Variants in SLX9 observed in about 807,000 individuals in gnomAD.
SLX9 encodes the protein ribosome biogenesis protein SLX9 homolog.
A neutral mutation model predicts 20.8 loss-of-function variants in SLX9; 19 were observed. That is an observed-to-expected ratio of 0.91 (90% CI 0.64 to 1.34). SLX9 has a LOEUF of 1.34. Among genes scored for constraint, SLX9 ranks in the 40% most tolerant of loss-of-function variants. The probability of loss-of-function intolerance (pLI) is 0.00; values close to 1 mark genes in which losing one functional copy is unlikely to be tolerated. For synonymous variants in SLX9, 113 were observed against 137.1 expected (o/e 0.82, Z 1.23); for missense variants, 299 against 322.2 (o/e 0.93, Z 0.55).
At chr21:44,946,943 C>G (rs762825424) in intron 2 of SLX9, among the ~76,000 whole-genome samples, 9 of 152,188 alleles carry the variant, frequency 5.9e-5, no homozygotes, top group African/African-American at 1.2e-4. Flanking sequence ...TGGGTGGGAC[C>G]TGCAGACCCT....
intron 2 of SLX9, among the ~76,000 whole-genome samples, chr21:44,953,071 C>A (rs1404326935): frequency 6.6e-6 from 1 of 152,170 alleles, no homozygotes; most frequent in Non-Finnish European, 1.5e-5. Flanking sequence ...GGCAGCCTCC[C>A]CCTTGGCATC....
chr21:44,939,732 T>A, upstream of SLX9: 1 of 507,554 alleles, frequency 2.0e-6, no homozygotes, highest in Non-Finnish European at 3.8e-6. Flanking sequence ...AAAGGCCATC[T>A]CGACTGCCGC....
intron 3 of SLX9, among the ~76,000 whole-genome samples, chr21:44,965,878 T>C (rs2085024765): frequency 6.6e-6 from 1 of 152,044 alleles, no homozygotes; most frequent in Admixed American, 6.5e-5. Flanking sequence ...CAGGGTGCCC[T>C]GGCTCTCTTT....
At chr21:44,948,597 G>A (rs1460319172) in intron 2 of SLX9, among the ~76,000 whole-genome samples, 2 of 152,208 alleles carry the variant, frequency 1.3e-5, no homozygotes, top group Admixed American at 6.5e-5. Context: ...GGGGCTGGGG[G>A]CCCCTGGAGC....
intron 3 of SLX9, among the ~76,000 whole-genome samples, chr21:44,961,266 A>C (rs1354790836): frequency 4.0e-5 from 6 of 151,832 alleles, no homozygotes; most frequent in South Asian, 2.1e-4. Flanking sequence ...AACTTGAGTC[A>C]ATTTTGGCCA....
chr21:44,952,340 C>T (rs1055955620), intron 2 of SLX9, among the ~76,000 whole-genome samples: 1 of 152,278 alleles, frequency 6.6e-6, no homozygotes, highest in African/African-American at 2.4e-5. Context: ...CTTCCCTGGC[C>T]ACTCAGGGAG....
intron 2 of SLX9, among the ~76,000 whole-genome samples, chr21:44,958,815 A>G (rs776050467): frequency 3.3e-5 from 5 of 152,092 alleles, no homozygotes; most frequent in East Asian, 1.9e-4. Flanking sequence ...TGCCATGGCA[A>G]TGGGGCTGGG....
At chr21:44,951,464 C>T (rs111988241) in intron 2 of SLX9, among the ~76,000 whole-genome samples, 106 of 152,218 alleles carry the variant, frequency 7.0e-4, no homozygotes, top group African/African-American at 2.2e-3. Flanking sequence ...CCTCAGCGCA[C>T]GGGGCGAACG....
intron 2 of SLX9, among the ~76,000 whole-genome samples, chr21:44,950,123 T>TGGAAAATGGC (rs1192309552): frequency 6.6e-6 from 1 of 151,032 alleles, no homozygotes. Context: ...TTAAGATAAC[T>TGGAAAATGGC]GGAAAATGGC....
At chr21:44,963,587 T>C (rs552425124) in intron 3 of SLX9, among the ~76,000 whole-genome samples, 2 of 152,278 alleles carry the variant, frequency 1.3e-5, no homozygotes, top group South Asian at 4.1e-4. Flanking sequence ...ATTGTTTGTC[T>C]ATGTGGTGTT....
intron 2 of SLX9, among the ~76,000 whole-genome samples, chr21:44,952,280 C>T (rs913610631): frequency 2.0e-5 from 3 of 152,258 alleles, no homozygotes; most frequent in East Asian, 1.9e-4. Flanking sequence ...TGCTCGCCCC[C>T]GGGAAGCTCA....
chr21:44,949,246 C>T (rs2084706834), intron 2 of SLX9, among the ~76,000 whole-genome samples: 1 of 152,204 alleles, frequency 6.6e-6, no homozygotes, highest in Non-Finnish European at 1.5e-5. Flanking sequence ...CCCTGGCTCC[C>T]CCTCGCACGG....
intron 4 of SLX9, among the ~76,000 whole-genome samples, chr21:44,972,564 C>T (rs575232927): frequency 6.6e-5 from 10 of 152,326 alleles, no homozygotes; most frequent in East Asian, 3.9e-4. Context: ...TGGCACCCCC[C>T]GCAGGTGCAG....
chr21:44,976,573 G>A, intron 5 of SLX9, 107 bp from the exon 6 acceptor site: 4 of 1,477,864 alleles, frequency 2.7e-6, no homozygotes, highest in Admixed American at 2.2e-5. Flanking sequence ...GTCCCGTGGT[G>A]GCCCCAGGCC....
At chr21:44,952,730 C>T (rs570190797) in intron 2 of SLX9, among the ~76,000 whole-genome samples, 2 of 152,254 alleles carry the variant, frequency 1.3e-5, no homozygotes, top group South Asian at 4.1e-4. Flanking sequence ...GCTCCGGGCG[C>T]CCCCCTGCCT....
At chr21:44,953,299 G>A (rs775381399) in intron 2 of SLX9, among the ~76,000 whole-genome samples, 4 of 152,326 alleles carry the variant, frequency 2.6e-5, no homozygotes, top group Non-Finnish European at 4.4e-5. Flanking sequence ...TGTCTGAGGT[G>A]TAGGCAGGTC....
At chr21:44,957,659 C>T (rs1303964718) in intron 2 of SLX9, among the ~76,000 whole-genome samples, 2 of 152,200 alleles carry the variant, frequency 1.3e-5, no homozygotes, top group African/African-American at 2.4e-5. Flanking sequence ...AGGGTTCCAC[C>T]GAGTGTGAGG....
intron 5 of SLX9, among the ~76,000 whole-genome samples, chr21:44,975,354 C>T (rs1200512138): frequency 6.6e-6 from 1 of 152,242 alleles, no homozygotes; most frequent in Non-Finnish European, 1.5e-5. Context: ...GAGGCCCCGT[C>T]TATGGGTCTC....
intron 2 of SLX9, among the ~76,000 whole-genome samples, chr21:44,954,642 A>G (rs1040983972): frequency 1.1e-4 from 17 of 152,098 alleles, no homozygotes; most frequent in African/African-American, 4.1e-4. Flanking sequence ...TCAGCACAGT[A>G]GCGTCACCTT....
Sources: allele counts gnomAD v4.1 joint callset (sites outside exome capture counted in the v4.1 genomes callset), GRCh38; gene constraint gnomAD v4.1.1; transcripts MANE v1.5; gene names NCBI Gene and HGNC (gene_info 2026-07-23, HGNC 2026-07-21).